GRIN2A: variants seen among roughly 807,000 people sequenced by gnomAD.
The protein encoded by GRIN2A is glutamate receptor ionotropic, NMDA 2A.
A neutral mutation model predicts 113.4 loss-of-function variants in GRIN2A; 22 were observed. The observed-to-expected ratio is 0.19, with a 90% CI of 0.14 to 0.28. GRIN2A has a LOEUF of 0.28. GRIN2A is among the 10% of genes least tolerant of loss of function. GRIN2A has a pLI of 1.00. For missense variants in GRIN2A, 1,502 were observed against 1,887.0 expected (o/e 0.80, Z 3.78); for synonymous variants, 827 against 738.4 (o/e 1.12, Z -1.94).
At chr16:9,788,853 C>T (rs1423731320) in intron 11 of GRIN2A, among the ~76,000 whole-genome samples, 1 of 151,798 alleles carries the variant, frequency 6.6e-6, no homozygotes, top group Non-Finnish European at 1.5e-5. Flanking sequence ...AGTAATTCTC[C>T]TGCCTCAGCC....
chr16:10,126,160 TATATA>T (rs1296474151), intron 2 of GRIN2A, among the ~76,000 whole-genome samples: 27 of 83,348 alleles, frequency 3.2e-4, no homozygotes, highest in African/African-American at 9.3e-4. Context: ...GATTTCTTTA[TATATA>T]TATATATTTT....
chr16:10,164,867 T>C (rs1347340396), intron 2 of GRIN2A, among the ~76,000 whole-genome samples: 1 of 152,222 alleles, frequency 6.6e-6, no homozygotes, highest in African/African-American at 2.4e-5. Context: ...ATGCAAATTA[T>C]AACAATGAGT....
intron 5 of GRIN2A, among the ~76,000 whole-genome samples, chr16:9,846,279 T>G (rs1374686503): frequency 3.9e-5 from 6 of 152,092 alleles, no homozygotes; most frequent in African/African-American, 1.2e-4. Context: ...GGAGCCACAG[T>G]GGGGACACTG....
chr16:10,030,339 A>G (rs1347019783), intron 2 of GRIN2A, among the ~76,000 whole-genome samples: 1 of 152,058 alleles, frequency 6.6e-6, no homozygotes, highest in East Asian at 1.9e-4. Flanking sequence ...GCTCCAGATC[A>G]TGTTGTGTTT....
intron 9 of GRIN2A, among the ~76,000 whole-genome samples, chr16:9,824,493 C>T (rs537099785): frequency 2.0e-5 from 3 of 152,302 alleles, no homozygotes; most frequent in South Asian, 2.1e-4. Context: ...AGAGGAGCTG[C>T]ATAGGTCTTT....
intron 11 of GRIN2A, among the ~76,000 whole-genome samples, chr16:9,788,829 G>A (rs7192284): frequency 0.38 from 55,981 of 147,622 alleles, 11,369 homozygotes; most frequent in African/African-American, 0.55. Context: ...TGCAAACTCC[G>A]CCTCCTGGGT....
intron 3 of GRIN2A, among the ~76,000 whole-genome samples, chr16:9,901,309 C>T (rs1567165235): frequency 1.3e-5 from 2 of 152,160 alleles, no homozygotes; most frequent in Admixed American, 1.3e-4. Flanking sequence ...TACCTGCTTT[C>T]TGTGAATTAC....
Position 9,787,078 on chromosome 16 carries a change from C to T in GRIN2A, c.2356+11199G>A, listed in dbSNP as rs138939091. ...TTTACCTCCAAATATGTTTCTTTGCCGTATTTTTAAATGGCCTGCAAAGCC... is the reference window on the plus strand; with the variant it reads ...TTTACCTCCAAATATGTTTCTTTGCTGTATTTTTAAATGGCCTGCAAAGCC... On this transcript the variant is annotated intron_variant, in intron 11 of 12. Transcript: ENST00000330684. Among the ~76,000 whole-genome samples the T allele has an allele frequency of 1.2e-3, 182 of 152,132 alleles. 1 individual carries two copies. Among genetic ancestry groups the T allele is most frequent in the African/African-American group, 4.2e-3 (174 of 41,496 alleles).
chr16:9,967,516 G>A (rs2045579755), intron 2 of GRIN2A, among the ~76,000 whole-genome samples: 1 of 152,164 alleles, frequency 6.6e-6, no homozygotes, highest in Non-Finnish European at 1.5e-5. Context: ...GACCAGCCTG[G>A]CTAACGTGGC....
intron 2 of GRIN2A, among the ~76,000 whole-genome samples, chr16:10,067,358 G>A (rs1215626881): frequency 2.6e-5 from 4 of 152,112 alleles, no homozygotes; most frequent in African/African-American, 9.7e-5. Flanking sequence ...GTTTTGACAA[G>A]TTATCTCCCC....
At chr16:10,044,616 G>A (rs774251955) in intron 2 of GRIN2A, among the ~76,000 whole-genome samples, 1 of 149,868 alleles carries the variant, frequency 6.7e-6, no homozygotes, top group South Asian at 2.2e-4. Flanking sequence ...ACAATCAGAT[G>A]TGTTAAAAAT....
At chr16:9,822,770 C>T (rs1442619936) in intron 9 of GRIN2A, among the ~76,000 whole-genome samples, 1 of 152,156 alleles carries the variant, frequency 6.6e-6, no homozygotes, top group East Asian at 1.9e-4. Context: ...GGCACACAGT[C>T]AGTACTTAGA....
At chr16:9,823,249 A>G (rs764108443) in intron 9 of GRIN2A, among the ~76,000 whole-genome samples, 2 of 152,202 alleles carry the variant, frequency 1.3e-5, no homozygotes, top group African/African-American at 4.8e-5. Flanking sequence ...CCAGAAATAC[A>G]GCTAAACACT....
At chr16:10,040,819 G>C (rs887414501) in intron 2 of GRIN2A, among the ~76,000 whole-genome samples, 25 of 152,228 alleles carry the variant, frequency 1.6e-4, no homozygotes, top group African/African-American at 6.0e-4. Flanking sequence ...AGCCGCTCTG[G>C]AGGCTGGAGG....
At chr16:9,779,412 G>A (rs1901806550) in intron 11 of GRIN2A, among the ~76,000 whole-genome samples, 2 of 152,150 alleles carry the variant, frequency 1.3e-5, no homozygotes, top group South Asian at 4.1e-4. Flanking sequence ...GAAGCGAAAT[G>A]GATCACTTCC....
chr16:9,848,073 A>G (rs1021872353), intron 5 of GRIN2A, among the ~76,000 whole-genome samples: 8 of 147,196 alleles, frequency 5.4e-5, no homozygotes, highest in African/African-American at 1.5e-4. Flanking sequence ...TATTTTATAT[A>G]TAAACTTGTA....
At chr16:10,122,674 G>A (rs1244844551) in intron 2 of GRIN2A, among the ~76,000 whole-genome samples, 1 of 152,114 alleles carries the variant, frequency 6.6e-6, no homozygotes, top group African/African-American at 2.4e-5. Flanking sequence ...ATGTAACTTG[G>A]CAAGATGAAA....
At chr16:9,986,761 T>C (rs544469245) in intron 2 of GRIN2A, among the ~76,000 whole-genome samples, 1 of 80,370 alleles carries the variant, frequency 1.2e-5, no homozygotes, top group African/African-American at 6.2e-5. Context: ...CAAGACGCTG[T>C]CTCAAAAAAA....
intron 2 of GRIN2A, among the ~76,000 whole-genome samples, chr16:10,012,828 T>G (rs2046533318): frequency 6.6e-6 from 1 of 152,252 alleles, no homozygotes; most frequent in African/African-American, 2.4e-5. Flanking sequence ...ACCTTGATTT[T>G]AGCTCCATGA....
Sources: allele counts gnomAD v4.1 joint callset (sites outside exome capture counted in the v4.1 genomes callset), GRCh38; gene constraint gnomAD v4.1.1; transcripts MANE v1.5; gene names NCBI Gene and HGNC (gene_info 2026-07-23, HGNC 2026-07-21).